CNST: variants seen among roughly 807,000 people sequenced by gnomAD.
The protein encoded by CNST is consortin, connexin sorting protein, also known as consortin.
Under a neutral mutation model 72.4 loss-of-function variants are expected in CNST, and 39 were observed. That is an observed-to-expected ratio of 0.54 (90% CI 0.42 to 0.70). The LOEUF (loss-of-function observed/expected upper bound fraction) is 0.70, where lower values mean the gene tolerates loss of function less well. CNST is among the 30% of genes least tolerant of loss of function. The pLI, the probability that CNST is intolerant of heterozygous loss-of-function variation, is 0.00. For missense variants in CNST, 871 were observed against 868.5 expected, an observed-to-expected ratio of 1.00 and a Z score of -0.04; for synonymous variants, 332 against 320.1, an observed-to-expected ratio of 1.04 and a Z score of -0.40.
intron 1 of CNST, among the ~76,000 whole-genome samples, chr1:246,591,118 A>G (rs974520059): frequency 1.3e-5 from 2 of 152,174 alleles, no homozygotes; most frequent in African/African-American, 2.4e-5. Flanking sequence ...AGGGATTAAC[A>G]TAAGAGACTA....
intron 1 of CNST, among the ~76,000 whole-genome samples, chr1:246,572,823 A>G (rs998477066): frequency 2.6e-5 from 4 of 152,174 alleles, no homozygotes; most frequent in Non-Finnish European, 5.9e-5. Context: ...TCAGCCTCTC[A>G]AAGTGCTGGG....
At chr1:246,634,827 C>T (rs185537796) in intron 6 of CNST, among the ~76,000 whole-genome samples, 4 of 152,288 alleles carry the variant, frequency 2.6e-5, no homozygotes, top group Admixed American at 1.3e-4. Flanking sequence ...GGGCTGAGGC[C>T]TAAAATGGCG....
At chr1:246,590,669 AT>A (rs1661488623) in intron 1 of CNST, among the ~76,000 whole-genome samples, 1 of 152,056 alleles carries the variant, frequency 6.6e-6, no homozygotes, top group Non-Finnish European at 1.5e-5. Context: ...GAATTACTGG[AT>A]TATTTCTTTC....
chr1:246,598,892 G>A (rs1662068709), intron 2 of CNST, among the ~76,000 whole-genome samples: 1 of 152,194 alleles, frequency 6.6e-6, no homozygotes, highest in South Asian at 2.1e-4. Context: ...TCCCTTAGGA[G>A]TACATACCAC....
intron 8 of CNST, among the ~76,000 whole-genome samples, chr1:246,644,786 G>T (rs1307100410): frequency 4.6e-5 from 7 of 152,330 alleles, no homozygotes; most frequent in Admixed American, 4.6e-4. Flanking sequence ...GAGTCCTGTG[G>T]ACATGTTTTG....
chr1:246,667,813 C>A lies in CNST; in HGVS notation c.*1908C>A, dbSNP rs991690978. On this transcript the variant is annotated 3_prime_UTR_variant, in exon 11 of 11. Coordinates refer to ENST00000366513, the MANE Select transcript of CNST (RefSeq NM_152609.3). ...GAAATTTGGTGATGCTTATTTTTGCCAATTTTATGTCAAAATAAGTTAAAA... is the reference window on the plus strand; with the variant it reads ...GAAATTTGGTGATGCTTATTTTTGCAAATTTTATGTCAAAATAAGTTAAAA... 6.6e-6 allele frequency: 1 copy of A among 152,180 alleles called. No homozygotes were observed. Among genetic ancestry groups the A allele is most frequent in the Non-Finnish European group, 1.5e-5 (1 of 68,040 alleles). 9.4% of individuals were successfully genotyped at this position (152,180 alleles called of 1,614,324 possible). A position where few individuals can be genotyped will look rare whatever the true frequency, so the allele number is the denominator to read the frequency against.
rs532230816 is a variant in CNST at position 246,621,552 on chromosome 1, T to C, written c.503T>C (p.Leu168Pro). The C allele has an allele frequency of 6.2e-6, 10 of 1,614,190 alleles. No homozygotes were observed. In the African/African-American group the frequency reaches 8.0e-5, roughly 13 times the overall value. The change falls in exon 3 of 11, where the codon CTT (leucine) becomes CCT (proline). Residue 168 changes from leucine to proline, a missense_variant. By Grantham distance (98) the Leu-to-Pro change is moderately conservative (BLOSUM62 -3). Transcript: ENST00000366513. ...NANEQPEAPK[L>P]VLQSLFSLIR... ...AATGAGCAGCCAGAGGCGCCAAAGC[T>C]TGTTCTGCAGTCTCTGTTTTCACTT...
chr1:246,638,676 A>G (rs183797521), intron 6 of CNST, among the ~76,000 whole-genome samples: 43 of 152,260 alleles, frequency 2.8e-4, no homozygotes, highest in Admixed American at 1.9e-3. Flanking sequence ...GTGACACTAT[A>G]GCATAGCCAG....
At chr1:246,566,835 C>T (rs1483072840) in intron 1 of CNST, 172 bp downstream of exon 1, 1 of 396,178 alleles carries the variant, frequency 2.5e-6, no homozygotes, top group Admixed American at 4.4e-5. Context: ...TCTCAGGTCG[C>T]CTGTTTTCCT....
At chr1:246,642,209 T>C (rs1665765462) in intron 8 of CNST, among the ~76,000 whole-genome samples, 172 bp downstream of exon 8, 1 of 149,630 alleles carries the variant, frequency 6.7e-6, no homozygotes, top group Admixed American at 6.6e-5. Flanking sequence ...AATGAGACTT[T>C]TTATATTGGG....
chr1:246,568,607 G>A (rs1659869670), intron 1 of CNST, among the ~76,000 whole-genome samples: 1 of 152,130 alleles, frequency 6.6e-6, no homozygotes, highest in African/African-American at 2.4e-5. Flanking sequence ...GTAATTTTGA[G>A]ATGGAGTCTA....
chr1:246,576,635 G>T (rs562591527), intron 1 of CNST, among the ~76,000 whole-genome samples: 1 of 151,438 alleles, frequency 6.6e-6, no homozygotes, highest in Admixed American at 6.6e-5. Flanking sequence ...AGCTGGGACC[G>T]CAGGCATGTT....
chr1:246,576,726 T>A (rs1169866925), intron 1 of CNST, among the ~76,000 whole-genome samples: 1 of 151,926 alleles, frequency 6.6e-6, no homozygotes, highest in African/African-American at 2.4e-5. Context: ...ACTCCTGACC[T>A]CAGGTGATCC....
chr1:246,652,810 C>T (rs367672418), intron 9 of CNST, among the ~76,000 whole-genome samples: 6 of 150,678 alleles, frequency 4.0e-5, no homozygotes, highest in Middle Eastern at 3.4e-3. Flanking sequence ...CGAGACCATC[C>T]TGGCTAACAC....
intron 2 of CNST, among the ~76,000 whole-genome samples, chr1:246,614,714 C>T (rs985322453): frequency 7.2e-5 from 11 of 152,132 alleles, no homozygotes; most frequent in African/African-American, 2.7e-4. Context: ...TCGTGATCTG[C>T]CCACCTCAGC....
intron 2 of CNST, among the ~76,000 whole-genome samples, chr1:246,595,891 G>A (rs1661845391): frequency 6.6e-6 from 1 of 152,128 alleles, no homozygotes; most frequent in Non-Finnish European, 1.5e-5. Context: ...TGATAGTGCA[G>A]GACTCTTGTC....
intron 8 of CNST, among the ~76,000 whole-genome samples, chr1:246,646,617 A>G (rs1275603666): frequency 2.6e-5 from 4 of 152,030 alleles, no homozygotes; most frequent in African/African-American, 9.7e-5. Context: ...AGTAGCTGGG[A>G]TTACAGGCAT....
At chr1:246,645,704 G>A (rs1230876409) in intron 8 of CNST, among the ~76,000 whole-genome samples, 2 of 152,032 alleles carry the variant, frequency 1.3e-5, no homozygotes, top group Admixed American at 6.5e-5. Flanking sequence ...TGGGATGACA[G>A]GCTTGAGCCA....
chr1:246,590,117 G>A (rs1391673710), intron 1 of CNST, among the ~76,000 whole-genome samples: 2 of 152,028 alleles, frequency 1.3e-5, no homozygotes, highest in African/African-American at 4.8e-5. Flanking sequence ...CGGGAGCTTT[G>A]GCAGACTTGC....
Sources: gnomAD v4.1 joint callset for allele counts (sites outside exome capture counted in the v4.1 genomes callset) on GRCh38, gnomAD v4.1.1 for gene constraint, MANE v1.5 for transcripts, NCBI Gene and HGNC (gene_info 2026-07-23, HGNC 2026-07-21) for gene names.